The following ZNF69 variants were observed in gnomAD, a reference collection of about 807,000 sequenced individuals.
ZNF69 encodes zinc finger protein 69.
In ZNF69, 47 loss-of-function variants were observed where a neutral mutation model predicts 50.9. The ratio of observed to expected loss-of-function variants is 0.92; its 90% CI spans 0.73 to 1.18. ZNF69 has a LOEUF of 1.18. ZNF69 is among the 50% of genes most tolerant of loss of function. ZNF69 has a pLI of 0.00. For missense variants in ZNF69, 717 were observed against 675.1 expected (o/e 1.06, Z -0.69); for synonymous variants, 216 against 223.1 (o/e 0.97, Z 0.29).
intron 1 of ZNF69, among the ~76,000 whole-genome samples, chr19:11,895,406 A>G (rs748055463): frequency 1.3e-5 from 2 of 152,230 alleles, no homozygotes; most frequent in African/African-American, 4.8e-5. Context: ...CTCAGGGTCC[A>G]GGGAATTGAA....
At chr19:11,977,539 T>G in the ZNF69 span, 52 of 1,325,994 alleles carry the variant, frequency 3.9e-5, no homozygotes, top group Non-Finnish European at 4.8e-5. Flanking sequence ...AATTCATCTC[T>G]TCTTAGAATA....
the ZNF69 span, chr19:11,952,860 G>C: frequency 6.6e-6 from 1 of 152,176 alleles, no homozygotes; most frequent in African/African-American, 2.4e-5. Context: ...GATCACTTGA[G>C]GTCAGGAGTT....
At chr19:11,921,486 TTTTGTTTG>T in the ZNF69 span, among the ~76,000 whole-genome samples, 235 of 150,730 alleles carry the variant, frequency 1.6e-3, 1 homozygote, top group African/African-American at 2.9e-3. Flanking sequence ...GGAAAATTTC[TTTTGTTTG>T]TTTGTTTGTT....
chr19:11,954,332 G>A, the ZNF69 span, among the ~76,000 whole-genome samples: 3 of 152,152 alleles, frequency 2.0e-5, no homozygotes, highest in African/African-American at 7.2e-5. Flanking sequence ...GCAGATGAAG[G>A]CTCCCTCAGA....
the ZNF69 span, among the ~76,000 whole-genome samples, chr19:11,973,771 T>C: frequency 6.6e-6 from 1 of 152,184 alleles, no homozygotes; most frequent in Non-Finnish European, 1.5e-5. Flanking sequence ...TTTTTGGCAG[T>C]TATGAGTAAG....
chr19:11,927,286 A>G, the ZNF69 span, among the ~76,000 whole-genome samples: 1 of 152,068 alleles, frequency 6.6e-6, no homozygotes, highest in African/African-American at 2.4e-5. Context: ...CCCCAGAGGC[A>G]GAGGTTGCAG....
rs1365235067 is a variant in ZNF69 at position 11,905,134 on chromosome 19, A to T, written c.737A>T (p.Lys246Ile). ...CATGAAAGAATTCACACTGGAGAGA[A>T]ACCATATGAATGTAAACAATGTGGT... ...LIHERIHTGEKPYECKQCGKS... is the reference protein window; with the variant it reads ...LIHERIHTGEIPYECKQCGKS... Residue 246 changes from lysine (K) to isoleucine (I), a missense_variant, in exon 4 of 4, where the codon AAA becomes ATA. By Grantham distance (102) the Lys-to-Ile change is moderately radical (BLOSUM62 -3). Coordinates refer to ENST00000429654, the MANE Select transcript of ZNF69 (RefSeq NM_001364730.1). 1.9e-6 allele frequency: 3 copies of T among 1,614,092 alleles called. No homozygotes were observed. The highest frequency in any genetic ancestry group is 1.3e-5 in the African/African-American group (1 of 74,948).
chr19:11,892,307 T>G (rs1025541517), intron 1 of ZNF69, among the ~76,000 whole-genome samples: 4 of 152,142 alleles, frequency 2.6e-5, no homozygotes, highest in Non-Finnish European at 4.4e-5. Flanking sequence ...TGGTTTGCTT[T>G]TTTCCCCCAG....
downstream of ZNF69, among the ~76,000 whole-genome samples, chr19:11,911,013 G>A (rs2145252366): frequency 6.6e-6 from 1 of 152,176 alleles, no homozygotes; most frequent in Non-Finnish European, 1.5e-5. Context: ...GTGGGCAAAG[G>A]ATATGAACAG....
At chr19:11,907,252 A>C (rs1049113868), downstream of ZNF69, among the ~76,000 whole-genome samples, 1 of 152,240 alleles carries the variant, frequency 6.6e-6, no homozygotes, top group African/African-American at 2.4e-5. Flanking sequence ...AACACTCTTC[A>C]GGATATTATT....
the ZNF69 span, chr19:11,947,180 G>T: frequency 1.9e-6 from 3 of 1,613,456 alleles, no homozygotes; most frequent in African/African-American, 4.0e-5. Context: ...AGATGTTTCA[G>T]GACCCAGTGG....
At chr19:11,927,371 A>T in the ZNF69 span, among the ~76,000 whole-genome samples, 7 of 151,876 alleles carry the variant, frequency 4.6e-5, no homozygotes, top group Admixed American at 1.3e-4. Context: ...CAAAACAAAC[A>T]GGAAAGAGGT....
intron 1 of ZNF69, among the ~76,000 whole-genome samples, chr19:11,899,244 A>T (rs1179874541): frequency 1.3e-5 from 2 of 152,196 alleles, no homozygotes; most frequent in Non-Finnish European, 2.9e-5. Context: ...TCATGTAAAA[A>T]TATGCATTGA....
the ZNF69 span, chr19:11,948,667 A>C: frequency 6.2e-7 from 1 of 1,612,726 alleles, no homozygotes; most frequent in Non-Finnish European, 8.5e-7. Flanking sequence ...ACACATGGTA[A>C]TGCACAGTGG....
At chr19:11,951,859 C>T in the ZNF69 span, among the ~76,000 whole-genome samples, 14 of 152,344 alleles carry the variant, frequency 9.2e-5, no homozygotes, top group Non-Finnish European at 1.9e-4. Flanking sequence ...CGGTATGTGA[C>T]TTGTGTCTCT....
At chr19:11,940,276 C>T in the ZNF69 span, among the ~76,000 whole-genome samples, 12 of 152,170 alleles carry the variant, frequency 7.9e-5, no homozygotes, top group Admixed American at 2.0e-4. Context: ...GTATTGTGTC[C>T]GGAATTGGTG....
the ZNF69 span, among the ~76,000 whole-genome samples, chr19:11,937,515 G>T: frequency 1.4e-5 from 2 of 142,266 alleles, no homozygotes; most frequent in Non-Finnish European, 1.5e-5. Flanking sequence ...TTGAGACAGA[G>T]TCTCGCTCTG....
chr19:11,913,393 C>CTTT (rs34363657), intron 4 of ZNF69: 93 of 504,760 alleles, frequency 1.8e-4, no homozygotes, highest in South Asian at 4.1e-4. Context: ...TTTTTCTTAT[C>CTTT]TTTTTTTTTT....
chr19:11,945,451 G>A, the ZNF69 span, among the ~76,000 whole-genome samples: 5 of 152,318 alleles, frequency 3.3e-5, no homozygotes, highest in African/African-American at 1.2e-4. Context: ...GGAGGGTAGT[G>A]TTCCATGGAG....
Sources: gnomAD v4.1 joint callset for allele counts (sites outside exome capture counted in the v4.1 genomes callset) on GRCh38, gnomAD v4.1.1 for gene constraint, MANE v1.5 for transcripts, NCBI Gene and HGNC (gene_info 2026-07-23, HGNC 2026-07-21) for gene names.